NDUFAF6: variants seen among roughly 807,000 people sequenced by gnomAD.
The protein encoded by NDUFAF6 is NADH dehydrogenase (ubiquinone) complex I, assembly factor 6.
NDUFAF6 carries 45 observed loss-of-function variants against 40.8 expected under a neutral mutation model. The observed-to-expected ratio is 1.10, with a 90% CI of 0.87 to 1.42. The LOEUF (loss-of-function observed/expected upper bound fraction) is 1.42, where lower values mean the gene tolerates loss of function less well. Among genes scored for constraint, NDUFAF6 ranks in the 40% most tolerant of loss-of-function variants. The probability of loss-of-function intolerance (pLI) is 0.00; values close to 1 mark genes in which losing one functional copy is unlikely to be tolerated. For synonymous variants in NDUFAF6, 185 were observed against 155.9 expected (o/e 1.19, Z -1.39); for missense variants, 435 against 418.5 (o/e 1.04, Z -0.34).
At chr8:95,070,644 A>G (rs1313732639) in intron 9 of NDUFAF6, among the ~76,000 whole-genome samples, 2 of 152,250 alleles carry the variant, frequency 1.3e-5, no homozygotes, top group Admixed American at 6.5e-5. Flanking sequence ...AAAATCACAT[A>G]AAAATCCATG....
At chr8:94,907,493 G>A (rs1379893609) in intron 1 of NDUFAF6, among the ~76,000 whole-genome samples, 1 of 152,216 alleles carries the variant, frequency 6.6e-6, no homozygotes, top group Non-Finnish European at 1.5e-5. Flanking sequence ...CAGAATATAT[G>A]AATGGTGTTT....
chr8:94,939,207 T>C (rs1821281911), intron 1 of NDUFAF6, among the ~76,000 whole-genome samples: 2 of 152,210 alleles, frequency 1.3e-5, no homozygotes, highest in African/African-American at 4.8e-5. Flanking sequence ...AGAAAATAAA[T>C]TTTAAGACAT....
At chr8:94,978,174 A>G (rs1825125226) in intron 1 of NDUFAF6, among the ~76,000 whole-genome samples, 1 of 152,194 alleles carries the variant, frequency 6.6e-6, no homozygotes, top group African/African-American at 2.4e-5. Context: ...AGCTTGGAAC[A>G]TTCAGTCCCA....
At chr8:94,940,740 T>G in intron 1 of NDUFAF6, 1 of 917,872 alleles carries the variant, frequency 1.1e-6, no homozygotes, top group South Asian at 1.6e-5. Context: ...TGAAAACCCC[T>G]CAGTTATTGG....
At chr8:95,072,011 C>T (rs1832881002) in intron 9 of NDUFAF6, 1 of 152,252 alleles carries the variant, frequency 6.6e-6, no homozygotes, top group Non-Finnish European at 1.5e-5. Context: ...TTCAAGTCTT[C>T]TTTAACTCTG....
At chr8:94,991,804 C>CA (rs1356127151) in intron 2 of NDUFAF6, among the ~76,000 whole-genome samples, 1 of 141,858 alleles carries the variant, frequency 7.0e-6, no homozygotes, top group African/African-American at 2.5e-5. Flanking sequence ...TCGCCCCCCC[C>CA]CCCTTTTTTT....
rs145048651 is a variant in NDUFAF6 at position 94,992,873 on chromosome 8, T to C, written c.-84+11900T>C. Among the ~76,000 whole-genome samples the C allele has an allele frequency of 7.9e-3, 1,199 of 152,322 alleles. 14 individuals are homozygous for C. The highest frequency in any genetic ancestry group is 0.026 in the African/African-American group (1,091 of 41,574). The stretch of plus-strand genomic sequence containing the variant: ...GTTGAATGCCGATGATGCACAAGAA[T>C]AACAGAACCCCAAACCACAAGGAGT... On this transcript the variant is annotated intron_variant, in intron 2 of 9. Transcript: ENST00000396111.
At chr8:95,054,537 C>T (rs1204852251) in intron 8 of NDUFAF6, among the ~76,000 whole-genome samples, 2 of 151,606 alleles carry the variant, frequency 1.3e-5, no homozygotes, top group African/African-American at 2.4e-5. Flanking sequence ...AGGGTTCAAG[C>T]GATTCTCCTG....
chr8:95,048,568 C>CA lies in NDUFAF6; in HGVS notation c.816+10_816+11insA, dbSNP rs1831075402. ...CTTGCACCTAAAGCATGTAAGTCGG[C>CA]TTTTTTTTGCCAAATCATTTAGGGA... is the stretch of plus-strand genomic sequence containing the variant. On this transcript the variant is annotated intron_variant, in intron 7 of 8. Transcript: ENST00000396124. 1 of 1,588,492 alleles carries CA rather than the reference C, an allele frequency of 6.3e-7. No individual in the cohort carries two copies. The highest frequency in any genetic ancestry group is 1.1e-5 in the South Asian group (1 of 90,528).
chr8:94,898,906 G>A lies in NDUFAF6; in HGVS notation c.-936+2979G>A, dbSNP rs139878780. On this transcript the variant is annotated intron_variant, in intron 1 of 14. Coordinates refer to the NDUFAF6 transcript ENST00000396113. ...ACTTTCACCAAGGTATTTTTCATAC[G>A]TTTTTATTGTCATGAGACTCATTTG... is the stretch of plus-strand genomic sequence containing the variant. 4.9e-4 allele frequency among the ~76,000 whole-genome samples: 75 copies of A among 152,172 alleles called. 2 individuals carry two copies. In the East Asian group the frequency reaches 0.013, roughly 26 times the overall value.
At chr8:94,935,903 T>A (rs917153425) in intron 1 of NDUFAF6, among the ~76,000 whole-genome samples, 1 of 152,206 alleles carries the variant, frequency 6.6e-6, no homozygotes, top group South Asian at 2.1e-4. Flanking sequence ...ACAAAAGGCA[T>A]GTAAATCTGC....
chr8:94,896,960 A>G (rs1817657982), intron 1 of NDUFAF6, among the ~76,000 whole-genome samples: 1 of 152,052 alleles, frequency 6.6e-6, no homozygotes, highest in Non-Finnish European at 1.5e-5. Flanking sequence ...ACTTTCTGCC[A>G]TTTCTAACGC....
chr8:94,998,381 C>T (rs1386665686), intron 2 of NDUFAF6, among the ~76,000 whole-genome samples: 1 of 102,774 alleles, frequency 9.7e-6, no homozygotes, highest in Non-Finnish European at 1.8e-5. Context: ...CAATCAAATA[C>T]ACACACACAC....
intron 1 of NDUFAF6, among the ~76,000 whole-genome samples, chr8:94,973,187 C>G (rs1008847714): frequency 1.5e-4 from 23 of 152,234 alleles, no homozygotes; most frequent in Non-Finnish European, 5.9e-5. Context: ...AATCCTGGCT[C>G]TGCCACTCCC....
chr8:95,020,536 T>C (rs1292976295), upstream of NDUFAF6, among the ~76,000 whole-genome samples: 1 of 152,176 alleles, frequency 6.6e-6, no homozygotes, highest in Non-Finnish European at 1.5e-5. Flanking sequence ...AGAGAAAGGC[T>C]ACCCTTCCTC....
chr8:94,950,787 C>T (rs1270378927), intron 2 of NDUFAF6: 1 of 152,132 alleles, frequency 6.6e-6, no homozygotes, highest in East Asian at 1.9e-4. Context: ...ATTGAAGAGG[C>T]CATCTCCACA....
At chr8:94,907,649 C>A (rs1586610162) in intron 1 of NDUFAF6, among the ~76,000 whole-genome samples, 2 of 152,196 alleles carry the variant, frequency 1.3e-5, no homozygotes, top group Admixed American at 6.5e-5. Flanking sequence ...AGTCAGAGTT[C>A]ATCATGCCTT....
At position 94,911,202 on chromosome 8, in the gene NDUFAF6, T is replaced by A. The variant is rs78244393; in HGVS notation, c.-936+15275T>A. ...AGCAAGCATGTATTGATATTGTGAT[T>A]CTTTAATAAAGTGAAAATTTTGAGG... On this transcript the variant is annotated intron_variant, in intron 1 of 14. Coordinates refer to the NDUFAF6 transcript ENST00000396113. Among the ~76,000 whole-genome samples the A allele has an allele frequency of 7.3e-3, 1,116 of 152,336 alleles. 6 individuals carry two copies. Among genetic ancestry groups the A allele is most frequent in the African/African-American group, 0.026 (1,062 of 41,570 alleles).
intron 2 of NDUFAF6, among the ~76,000 whole-genome samples, chr8:95,010,981 G>C (rs1487452992): frequency 2.0e-5 from 3 of 152,222 alleles, no homozygotes; most frequent in Non-Finnish European, 4.4e-5. Flanking sequence ...CATTAAAGGA[G>C]TCTTCTGTGC....
Sources: allele counts gnomAD v4.1 joint callset (sites outside exome capture counted in the v4.1 genomes callset), GRCh38; gene constraint gnomAD v4.1.1; transcripts MANE v1.5; gene names NCBI Gene and HGNC (gene_info 2026-07-23, HGNC 2026-07-21).